Variants in AGMO observed in about 807,000 individuals in gnomAD.
AGMO encodes alkylglycerol monooxygenase, also known as glyceryl-ether monooxygenase.
Under a neutral mutation model 60.2 loss-of-function variants are expected in AGMO, and 75 were observed. The observed-to-expected ratio is 1.25, with a 90% CI of 1.03 to 1.51. The LOEUF (loss-of-function observed/expected upper bound fraction) is 1.51, where lower values mean the gene tolerates loss of function less well. Ranked by LOEUF, AGMO falls within the 40% of genes most tolerant of loss-of-function variation. AGMO has a pLI of 0.00. For missense variants in AGMO, 763 were observed against 525.5 expected, an observed-to-expected ratio of 1.45 and a Z score of -4.42; for synonymous variants, 261 against 177.1, an observed-to-expected ratio of 1.47 and a Z score of -3.76.
chr7:15,285,146 G>T (rs1322779420), intron 12 of AGMO, among the ~76,000 whole-genome samples: 2 of 151,798 alleles, frequency 1.3e-5, no homozygotes, highest in Non-Finnish European at 2.9e-5. Flanking sequence ...AAAGTTGAAA[G>T]CATTCCCCCG....
At chr7:15,169,161 T>C in the AGMO span, among the ~76,000 whole-genome samples, 3 of 152,314 alleles carry the variant, frequency 2.0e-5, no homozygotes, top group East Asian at 1.9e-4. Flanking sequence ...AAGTCCCTGA[T>C]TGACTTTAGG....
intron 3 of AGMO, among the ~76,000 whole-genome samples, chr7:15,515,932 TAGAC>T (rs748278234): frequency 3.6e-4 from 55 of 152,216 alleles, no homozygotes; most frequent in East Asian, 1.2e-3. Context: ...AAATTTCAGT[TAGAC>T]AGGAGGAATA....
chr7:15,414,071 G>A (rs1456193803), intron 5 of AGMO, among the ~76,000 whole-genome samples: 1 of 150,864 alleles, frequency 6.6e-6, no homozygotes, highest in Non-Finnish European at 1.5e-5. Flanking sequence ...GCAGTGGTGT[G>A]ATCTCGGTTC....
At chr7:15,462,419 C>G (rs73064240) in intron 3 of AGMO, among the ~76,000 whole-genome samples, 3,926 of 152,194 alleles carry the variant, frequency 0.026, 64 homozygotes, top group South Asian at 0.043. Context: ...TCTACTATTG[C>G]CAGAGACTTT....
At chr7:15,391,599 C>CT (rs1332628077) in intron 6 of AGMO, among the ~76,000 whole-genome samples, 1 of 152,188 alleles carries the variant, frequency 6.6e-6, no homozygotes, top group Non-Finnish European at 1.5e-5. Context: ...AGAAGCTCAA[C>CT]TATCCTGTGT....
chr7:15,292,220 G>A (rs1031966939), intron 12 of AGMO, among the ~76,000 whole-genome samples: 1 of 152,126 alleles, frequency 6.6e-6, no homozygotes, highest in Non-Finnish European at 1.5e-5. Flanking sequence ...CTAAACATTT[G>A]AATCAGCTGG....
At chr7:15,387,298 G>C (rs1030985910) in intron 9 of AGMO, 108 bp downstream of exon 9, 12 of 1,288,594 alleles carry the variant, frequency 9.3e-6, no homozygotes, top group Non-Finnish European at 1.3e-5. Context: ...CTGACTGGGG[G>C]AACATCTTTT....
chr7:15,488,284 A>G (rs1782973737), intron 3 of AGMO, among the ~76,000 whole-genome samples: 1 of 152,198 alleles, frequency 6.6e-6, no homozygotes, highest in Admixed American at 6.5e-5. Flanking sequence ...TGTTGGCAAA[A>G]TTCTTTTTTA....
chr7:15,119,226 G>T, the AGMO span, among the ~76,000 whole-genome samples: 1 of 151,578 alleles, frequency 6.6e-6, no homozygotes, highest in African/African-American at 2.4e-5. Flanking sequence ...CTCCTGCTCT[G>T]GCCATGTGAA....
At chr7:15,430,396 A>G (rs1781193336) in intron 4 of AGMO, among the ~76,000 whole-genome samples, 2 of 151,662 alleles carry the variant, frequency 1.3e-5, no homozygotes, top group Non-Finnish European at 3.0e-5. Flanking sequence ...AAGATGACAA[A>G]AAAAGGGATA....
chr7:15,405,005 C>T (rs1784649764), intron 5 of AGMO, among the ~76,000 whole-genome samples: 1 of 151,842 alleles, frequency 6.6e-6, no homozygotes, highest in Non-Finnish European at 1.5e-5. Flanking sequence ...TTCTCAAACA[C>T]TAGATTAGAA....
At chr7:15,215,107 A>T (rs1583297760) in intron 12 of AGMO, among the ~76,000 whole-genome samples, 1 of 152,062 alleles carries the variant, frequency 6.6e-6, no homozygotes, top group East Asian at 1.9e-4. Flanking sequence ...ATCGAATACT[A>T]GCATTTTCTT....
At chr7:15,229,710 ATAT>A (rs997168708) in intron 12 of AGMO, among the ~76,000 whole-genome samples, 13 of 126,120 alleles carry the variant, frequency 1.0e-4, no homozygotes, top group African/African-American at 3.6e-4. Context: ...ATTTATATAT[ATAT>A]TATATTATAT....
At chr7:15,532,850 G>C (rs565911887) in intron 3 of AGMO, among the ~76,000 whole-genome samples, 2 of 152,164 alleles carry the variant, frequency 1.3e-5, no homozygotes, top group Admixed American at 6.6e-5. Flanking sequence ...AATTAGCCGA[G>C]AATGGTGGCA....
chr7:15,329,067 A>G (rs942258503), intron 12 of AGMO, among the ~76,000 whole-genome samples: 3 of 152,090 alleles, frequency 2.0e-5, no homozygotes, highest in Non-Finnish European at 2.9e-5. Context: ...CTGCACCTCA[A>G]AAGTGCTTAT....
chr7:15,404,658 T>C (rs926071320), intron 5 of AGMO, among the ~76,000 whole-genome samples: 1 of 151,846 alleles, frequency 6.6e-6, no homozygotes, highest in Non-Finnish European at 1.5e-5. Context: ...AAAGGTTAAG[T>C]AATCCGTGTC....
intron 5 of AGMO, among the ~76,000 whole-genome samples, chr7:15,406,216 C>G (rs1481403367): frequency 7.0e-6 from 1 of 143,346 alleles, no homozygotes; most frequent in African/African-American, 2.7e-5. Flanking sequence ...CAAAAGGCCC[C>G]TTTGTTTGGA....
intron 12 of AGMO, among the ~76,000 whole-genome samples, chr7:15,343,097 CAAT>C (rs1383182747): frequency 1.3e-5 from 2 of 151,910 alleles, no homozygotes; most frequent in Non-Finnish European, 2.9e-5. Context: ...TTTCCTATAG[CAAT>C]AATTGGAATC....
intron 12 of AGMO, among the ~76,000 whole-genome samples, chr7:15,355,516 A>AAAAAG (rs1359783695): frequency 6.6e-6 from 1 of 151,414 alleles, no homozygotes; most frequent in Non-Finnish European, 1.5e-5. Context: ...AAAAAAAAAA[A>AAAAAG]AAAAAAAAGA....
Sources: gnomAD v4.1 joint callset for allele counts (sites outside exome capture counted in the v4.1 genomes callset) on GRCh38, gnomAD v4.1.1 for gene constraint, MANE v1.5 for transcripts, NCBI Gene and HGNC (gene_info 2026-07-23, HGNC 2026-07-21) for gene names.